The following MECOM variants were observed in gnomAD, a reference collection of about 807,000 sequenced individuals.
The protein encoded by MECOM is histone-lysine N-methyltransferase MECOM.
In MECOM, 13 loss-of-function variants were observed where a neutral mutation model predicts 116.3. The ratio of observed to expected loss-of-function variants is 0.11; its 90% confidence interval spans 0.07 to 0.18. The LOEUF (loss-of-function observed/expected upper bound fraction) is 0.18, where lower values mean the gene tolerates loss of function less well. Among genes scored for constraint, MECOM ranks in the 10% least tolerant of loss-of-function variants. The probability of loss-of-function intolerance (pLI) is 1.00; values close to 1 mark genes in which losing one functional copy is unlikely to be tolerated. For synonymous variants in MECOM, 528 were observed against 535.2 expected, an observed-to-expected ratio of 0.99 and a Z score of 0.19; for missense variants, 1,299 against 1,509.0, an observed-to-expected ratio of 0.86 and a Z score of 2.31.
chr3:169,512,815 C>T (rs1225115230), intron 1 of MECOM, among the ~76,000 whole-genome samples: 1 of 152,176 alleles, frequency 6.6e-6, no homozygotes, highest in Non-Finnish European at 1.5e-5. Flanking sequence ...CCCACTTCTT[C>T]CTGCAGGGCC....
chr3:169,654,099 T>C (rs990709913), intron 1 of MECOM, among the ~76,000 whole-genome samples: 1 of 152,198 alleles, frequency 6.6e-6, no homozygotes, highest in African/African-American at 2.4e-5. Context: ...CCAACAATAT[T>C]CACTGATAGT....
At chr3:169,324,756 G>A (rs536625791) in intron 2 of MECOM, among the ~76,000 whole-genome samples, 2 of 152,218 alleles carry the variant, frequency 1.3e-5, no homozygotes, top group Non-Finnish European at 2.9e-5. Context: ...GGAAGAGACT[G>A]AGGACAGTGG....
intron 2 of MECOM, among the ~76,000 whole-genome samples, chr3:169,208,377 A>C (rs1559994070): frequency 6.6e-6 from 1 of 150,656 alleles, no homozygotes; most frequent in Non-Finnish European, 1.5e-5. Flanking sequence ...TTTGTGGTAC[A>C]ATTTGTGTGA....
At chr3:169,393,295 A>G (rs1734520718) in intron 1 of MECOM, among the ~76,000 whole-genome samples, 2 of 152,184 alleles carry the variant, frequency 1.3e-5, no homozygotes, top group Non-Finnish European at 2.9e-5. Flanking sequence ...GCATGGCACC[A>G]ATCTGGAGTA....
intron 2 of MECOM, among the ~76,000 whole-genome samples, chr3:169,229,987 T>C (rs1340727297): frequency 2.0e-5 from 3 of 152,162 alleles, no homozygotes; most frequent in Non-Finnish European, 2.9e-5. Context: ...CTTAATTGCA[T>C]TTTTGAGTTA....
intron 2 of MECOM, among the ~76,000 whole-genome samples, chr3:169,163,471 A>T (rs540165762): frequency 6.6e-6 from 1 of 152,206 alleles, no homozygotes; most frequent in Non-Finnish European, 1.5e-5. Context: ...AATAGTAATT[A>T]TAATACAATC....
At chr3:169,437,942 A>T (rs187508626) in intron 1 of MECOM, among the ~76,000 whole-genome samples, 142 of 152,352 alleles carry the variant, frequency 9.3e-4, no homozygotes, top group African/African-American at 2.9e-3. Context: ...TTATTATTCA[A>T]TGGCTCCAGG....
chr3:169,302,821 AC>A (rs552705797), intron 2 of MECOM, among the ~76,000 whole-genome samples: 386 of 152,094 alleles, frequency 2.5e-3, no homozygotes, highest in Non-Finnish European at 4.5e-3. Flanking sequence ...CCGAGATTGT[AC>A]CACTGCACTC....
At chr3:169,436,904 A>G (rs908657225) in intron 1 of MECOM, among the ~76,000 whole-genome samples, 2 of 152,178 alleles carry the variant, frequency 1.3e-5, no homozygotes, top group African/African-American at 4.8e-5. Context: ...CTTGAACGAC[A>G]TAACAGGATT....
rs1401247545 is a variant in MECOM, at chr3:169,094,035, TTAGA to T, written c.3020-937_3020-934del. 9.2e-5 allele frequency among the ~76,000 whole-genome samples: 14 copies of T among 152,002 alleles called. No individual in the cohort carries two copies. The South Asian group carries it at 2.9e-3, about 31-fold the overall frequency. On this transcript the variant is annotated intron_variant, in intron 13 of 16. Transcript: ENST00000651503. ...TTGTATGCTATAAGGGTACACACAG[TTAGA>T]GTGGCCAGTTTTGCACATTGGATTA... is the stretch of plus-strand genomic sequence containing the variant.
chr3:169,125,564 G>A (rs546167011), intron 5 of MECOM, among the ~76,000 whole-genome samples: 4 of 152,136 alleles, frequency 2.6e-5, no homozygotes, highest in Non-Finnish European at 5.9e-5. Flanking sequence ...TCCCTTCTTT[G>A]TTTCTAATCG....
intron 1 of MECOM, among the ~76,000 whole-genome samples, chr3:169,609,986 C>T (rs1769052260): frequency 1.3e-5 from 2 of 151,988 alleles, no homozygotes; most frequent in Admixed American, 1.3e-4. Context: ...ACTACATTTC[C>T]CCAAAGGATA....
intron 1 of MECOM, among the ~76,000 whole-genome samples, chr3:169,547,082 T>C (rs549804723): frequency 4.2e-4 from 64 of 152,338 alleles, no homozygotes; most frequent in African/African-American, 1.4e-3. Flanking sequence ...AAATCTCATG[T>C]TGAATTGTAA....
At position 169,381,464 on chromosome 3, in the gene MECOM, T is replaced by G. The variant is rs1732374379; in HGVS notation, c.98A>C (p.Asp33Ala). Residue 33 changes from aspartate (D) to alanine (A), a missense_variant, in exon 2 of 17, where the codon GAT (aspartate) becomes GCT (alanine). By Grantham distance (126) the Asp-to-Ala change is moderately radical (BLOSUM62 -2). This residue lies in a region of MECOM where 374 missense variants were observed against 433.4 expected (regional missense o/e 0.86). Transcript: ENST00000651503. ...GAGGGAGGGAGTGCTGGCTACTCCA[T>G]CTGCATCTGGCATTTCTTCCAAAGG... is the stretch of plus-strand genomic sequence containing the variant. Reference protein sequence around the residue: ...EIPLEEMPDADGVASTPSLNI... With the variant: ...EIPLEEMPDAAGVASTPSLNI... The G allele has an allele frequency of 6.2e-7, 1 of 1,613,476 alleles. No individual in the cohort carries two copies. The highest frequency in any genetic ancestry group is 1.3e-5 in the African/African-American group (1 of 74,938).
chr3:169,589,110 G>C (rs1256729925), intron 1 of MECOM, among the ~76,000 whole-genome samples: 1 of 152,034 alleles, frequency 6.6e-6, no homozygotes, highest in African/African-American at 2.4e-5. Context: ...CTGTGTGGTA[G>C]CTTCTGAAAA....
At chr3:169,308,163 G>T (rs998416613) in intron 2 of MECOM, among the ~76,000 whole-genome samples, 8 of 151,900 alleles carry the variant, frequency 5.3e-5, no homozygotes, top group Middle Eastern at 3.2e-3. Flanking sequence ...TTCCCTAATT[G>T]TCTCTTTTAC....
intron 3 of MECOM, among the ~76,000 whole-genome samples, chr3:169,135,861 T>G (rs1736197965): frequency 6.6e-6 from 1 of 151,896 alleles, no homozygotes; most frequent in Non-Finnish European, 1.5e-5. Flanking sequence ...CATGTTCTTT[T>G]ATTTTTAAAA....
chr3:169,132,730 A>T (rs572812737), intron 3 of MECOM, among the ~76,000 whole-genome samples: 1 of 150,866 alleles, frequency 6.6e-6, no homozygotes, highest in African/African-American at 2.4e-5. Context: ...ATGTCCACAA[A>T]CAGAATCAAT....
chr3:169,280,434 A>G (rs1213013210), intron 2 of MECOM, among the ~76,000 whole-genome samples: 1 of 152,186 alleles, frequency 6.6e-6, no homozygotes, highest in Non-Finnish European at 1.5e-5. Flanking sequence ...TGTAAGGAAC[A>G]TTTCCTGCTA....
Sources: allele counts gnomAD v4.1 joint callset (sites outside exome capture counted in the v4.1 genomes callset), GRCh38; gene constraint gnomAD v4.1.1; regional missense constraint gnomAD v4.1.1; transcripts MANE v1.5; gene names NCBI Gene and HGNC (gene_info 2026-07-23, HGNC 2026-07-21).